Variants in VAT1L observed in about 807,000 individuals in gnomAD.
VAT1L encodes putative NADPH-dependent quinone oxidoreductase VAT1L.
VAT1L carries 34 observed loss-of-function variants against 44.1 expected under a neutral mutation model. The observed-to-expected ratio is 0.77, with a 90% CI of 0.59 to 1.03. The LOEUF (loss-of-function observed/expected upper bound fraction) is 1.03, where lower values mean the gene tolerates loss of function less well. Ranked by LOEUF, VAT1L falls within the 50% of genes least tolerant of loss-of-function variation. The pLI, the probability that VAT1L is intolerant of heterozygous loss-of-function variation, is 0.00. For synonymous variants in VAT1L, 253 were observed against 202.2 expected, an observed-to-expected ratio of 1.25 and a Z score of -2.13; for missense variants, 615 against 538.8, an observed-to-expected ratio of 1.14 and a Z score of -1.40.
intron 7 of VAT1L, among the ~76,000 whole-genome samples, chr16:77,899,172 A>G (rs2017355352): frequency 6.6e-6 from 1 of 151,958 alleles, no homozygotes; most frequent in African/African-American, 2.4e-5. Flanking sequence ...AGATGAGGGC[A>G]CTGAGGCTTA....
intron 4 of VAT1L, among the ~76,000 whole-genome samples, chr16:77,864,967 CTTTTTTTTT>C (rs869037679): frequency 1.0e-5 from 1 of 95,378 alleles, no homozygotes; most frequent in African/African-American, 4.5e-5. Flanking sequence ...TCTTCTTATC[CTTTTTTTTT>C]TTTTTTTTTT....
chr16:77,833,623 T>C (rs561899203), intron 3 of VAT1L, among the ~76,000 whole-genome samples: 1 of 151,970 alleles, frequency 6.6e-6, no homozygotes, highest in Non-Finnish European at 1.5e-5. Flanking sequence ...TGGTGGCGTG[T>C]GCCTGTAATC....
chr16:77,857,313 G>A (rs1019039584), intron 3 of VAT1L, among the ~76,000 whole-genome samples: 1 of 152,196 alleles, frequency 6.6e-6, no homozygotes, highest in African/African-American at 2.4e-5. Flanking sequence ...TGCTAGGCAC[G>A]TAGGAGAAAT....
intron 7 of VAT1L, among the ~76,000 whole-genome samples, chr16:77,917,547 G>A (rs1437279669): frequency 6.6e-6 from 1 of 152,170 alleles, no homozygotes; most frequent in African/African-American, 2.4e-5. Context: ...ATTCAGCTCA[G>A]AGAATAAACC....
intron 7 of VAT1L, among the ~76,000 whole-genome samples, chr16:77,909,023 AATG>A (rs1416023948): frequency 2.0e-5 from 3 of 152,206 alleles, no homozygotes; most frequent in African/African-American, 7.2e-5. Context: ...AACATACAGC[AATG>A]ATGATAATAA....
intron 7 of VAT1L, among the ~76,000 whole-genome samples, chr16:77,915,785 G>A (rs1041510616): frequency 2.0e-5 from 3 of 151,938 alleles, no homozygotes; most frequent in African/African-American, 7.2e-5. Context: ...AGCAGCAGCT[G>A]ACCCTGAGAC....
chr16:77,862,446 C>G (rs1300792783), intron 3 of VAT1L, among the ~76,000 whole-genome samples: 3 of 152,010 alleles, frequency 2.0e-5, no homozygotes, highest in Non-Finnish European at 2.9e-5. Context: ...GAAACCCCAT[C>G]TCTACGAAAA....
intron 7 of VAT1L, among the ~76,000 whole-genome samples, chr16:77,966,333 C>T (rs544976730): frequency 6.6e-6 from 1 of 152,020 alleles, no homozygotes; most frequent in African/African-American, 2.4e-5. Context: ...AGTGCTTGGG[C>T]GAGACTGTGA....
chr16:77,837,102 C>G, intron 3 of VAT1L, among the ~76,000 whole-genome samples: 1 of 152,164 alleles, frequency 6.6e-6, no homozygotes, highest in African/African-American at 2.4e-5. Flanking sequence ...CTAGGCTGGG[C>G]TGACAGGTAG....
intron 1 of VAT1L, among the ~76,000 whole-genome samples, chr16:77,804,034 T>C (rs188501000): frequency 1.8e-4 from 28 of 152,310 alleles, no homozygotes; most frequent in African/African-American, 6.7e-4. Flanking sequence ...TCATGCCGTG[T>C]AGTCATTCTT....
chr16:77,963,796 G>C (rs1020882470), intron 7 of VAT1L, among the ~76,000 whole-genome samples: 1 of 152,112 alleles, frequency 6.6e-6, no homozygotes, highest in Non-Finnish European at 1.5e-5. Context: ...TATTGGGGAA[G>C]CCATGGGAAA....
intron 7 of VAT1L, among the ~76,000 whole-genome samples, chr16:77,897,788 T>G (rs1273405262): frequency 6.6e-6 from 1 of 152,220 alleles, no homozygotes; most frequent in Non-Finnish European, 1.5e-5. Flanking sequence ...ACTGGGTTTC[T>G]TAACCCTTCC....
intron 3 of VAT1L, among the ~76,000 whole-genome samples, chr16:77,846,934 A>G (rs2016763666): frequency 6.6e-6 from 1 of 152,242 alleles, no homozygotes; most frequent in African/African-American, 2.4e-5. Context: ...AAGCCAAATT[A>G]TTTAGAGTAT....
chr16:77,819,184 T>C (rs865781863), intron 2 of VAT1L, among the ~76,000 whole-genome samples: 10 of 152,122 alleles, frequency 6.6e-5, no homozygotes, highest in Admixed American at 5.9e-4. Flanking sequence ...CCTGTAGTGA[T>C]GGCCATGAGC....
Position 77,861,965 on chromosome 16 carries a change from G to A in VAT1L, c.580-783G>A, listed in dbSNP as rs189332862. On this transcript the variant is annotated intron_variant, in intron 3 of 8. Transcript: ENST00000302536. ...ACTGTCTTAATACCTTGTTATTTCC[G>A]GAGATCATTGTCCAGGTAAAATACC... 2.5e-3 allele frequency among the ~76,000 whole-genome samples: 373 copies of A among 152,200 alleles called. 2 individuals are homozygous for A. Among genetic ancestry groups the A allele is most frequent in the Non-Finnish European group, 2.9e-3 (197 of 68,020 alleles).
At chr16:77,869,235 CT>C (rs2142447887) in intron 4 of VAT1L, among the ~76,000 whole-genome samples, 1 of 152,258 alleles carries the variant, frequency 6.6e-6, no homozygotes, top group African/African-American at 2.4e-5. Flanking sequence ...ACCAAGACGT[CT>C]TTTCCTTTTT....
intron 3 of VAT1L, among the ~76,000 whole-genome samples, chr16:77,833,312 G>T (rs919750481): frequency 1.1e-4 from 17 of 152,196 alleles, no homozygotes; most frequent in African/African-American, 4.1e-4. Context: ...AAGGTGATAT[G>T]AGTATTGAGA....
intron 7 of VAT1L, among the ~76,000 whole-genome samples, chr16:77,955,074 C>T (rs1597119673): frequency 6.6e-6 from 1 of 152,360 alleles, no homozygotes; most frequent in East Asian, 1.9e-4. Context: ...GTACCACACA[C>T]TCTTCCTCGT....
At chr16:77,961,381 A>G (rs1262762405) in intron 7 of VAT1L, among the ~76,000 whole-genome samples, 1 of 151,922 alleles carries the variant, frequency 6.6e-6, no homozygotes, top group African/African-American at 2.4e-5. Flanking sequence ...CCTCCCTCGG[A>G]TCTGTTCACC....
Sources: allele counts gnomAD v4.1 joint callset (sites outside exome capture counted in the v4.1 genomes callset), GRCh38; gene constraint gnomAD v4.1.1; transcripts MANE v1.5; gene names NCBI Gene and HGNC (gene_info 2026-07-23, HGNC 2026-07-21).